ALKBH8: variants seen among roughly 807,000 people sequenced by gnomAD.
ALKBH8 encodes the protein tRNA (carboxymethyluridine(34)-5-O)-methyltransferase ALKBH8.
Under a neutral mutation model 59.8 loss-of-function variants are expected in ALKBH8, and 36 were observed. That is an observed-to-expected ratio of 0.60 (90% CI 0.46 to 0.79). The LOEUF is 0.79. ALKBH8 is among the 30% of genes least tolerant of loss of function. ALKBH8 has a pLI of 0.00. For synonymous variants in ALKBH8, 276 were observed against 273.6 expected (o/e 1.01, Z -0.09); for missense variants, 768 against 801.0 (o/e 0.96, Z 0.50).
In ALKBH8 at chr11:107,504,329, C is replaced by T; in HGVS notation, c.*329G>A. 1.8e-6 allele frequency: 1 copy of T among 543,546 alleles called. No homozygotes were observed. Among genetic ancestry groups the T allele is most frequent in the Non-Finnish European group, 3.2e-6 (1 of 310,812 alleles). 33.7% of individuals were successfully genotyped at this position (543,546 alleles called of 1,614,324 possible). ...CATCCCTAAAATCCTACATGATTTACTACATTTAGTAGCACTTTACTAAAA... is the reference window on the plus strand; with the variant it reads ...CATCCCTAAAATCCTACATGATTTATTACATTTAGTAGCACTTTACTAAAA... On this transcript the variant is annotated 3_prime_UTR_variant, in exon 12 of 12. Transcript: ENST00000428149.
chr11:107,543,323 A>C (rs937079581), intron 7 of ALKBH8, among the ~76,000 whole-genome samples: 1 of 152,152 alleles, frequency 6.6e-6, no homozygotes, highest in Non-Finnish European at 1.5e-5. Context: ...CAACAGAGAG[A>C]GACTTCGTCT....
At chr11:107,540,138 A>G (rs1479428692) in intron 7 of ALKBH8, among the ~76,000 whole-genome samples, 2 of 152,226 alleles carry the variant, frequency 1.3e-5, no homozygotes, top group Admixed American at 1.3e-4. Context: ...CCTAGTTATC[A>G]GGTACCATGC....
chr11:107,504,547 T>C lies in ALKBH8; in HGVS notation c.*111A>G. ...ACTTCCAAATTTTTCTCAGCTTTCCTTTGGTACTTTCCCACAAGTTTTCTC... is the reference window on the plus strand; with the variant it reads ...ACTTCCAAATTTTTCTCAGCTTTCCCTTGGTACTTTCCCACAAGTTTTCTC... On this transcript the variant is annotated 3_prime_UTR_variant, in exon 12 of 12. Coordinates refer to ENST00000428149, the MANE Select transcript of ALKBH8 (RefSeq NM_138775.3). The C allele has an allele frequency of 7.2e-7, 1 of 1,390,790 alleles. No individual in the cohort carries two copies. The highest frequency in any genetic ancestry group is 1.2e-5 in the South Asian group (1 of 80,706). 86.2% of individuals were successfully genotyped at this position (1,390,790 alleles called of 1,614,324 possible).
rs868128684 is a variant in ALKBH8, at chr11:107,559,747, T to C, written c.129+1018A>G. 2.0e-5 allele frequency among the ~76,000 whole-genome samples: 3 copies of C among 152,196 alleles called. No individual in the cohort carries two copies. In the South Asian group the frequency reaches 6.2e-4, roughly 32 times the overall value. On this transcript the variant is annotated intron_variant, in intron 2 of 11. Transcript: ENST00000428149. ...GAAGACATTAATATTTAACTCCAAGTATGGGCCTTTTACCTCCTAAATTCA... is the reference window on the plus strand; with the variant it reads ...GAAGACATTAATATTTAACTCCAAGCATGGGCCTTTTACCTCCTAAATTCA...
At chr11:107,529,295 A>G (rs937573641) in intron 8 of ALKBH8, among the ~76,000 whole-genome samples, 2 of 152,210 alleles carry the variant, frequency 1.3e-5, no homozygotes, top group Admixed American at 6.5e-5. Flanking sequence ...CACAAGGAAA[A>G]TGCTCCAGAA....
At position 107,518,642 on chromosome 11, in the gene ALKBH8, C is replaced by T. The variant is rs564927319; in HGVS notation, c.1287+3657G>A. On this transcript the variant is annotated intron_variant, in intron 10 of 11. Coordinates refer to ENST00000428149, the MANE Select transcript of ALKBH8 (RefSeq NM_138775.3). ...GCAATCTGTGCATTAAGGGCATGCT[C>T]CTGCTGCAGGTAACTACCAGACCCA... Among the ~76,000 whole-genome samples, 3 of 152,386 alleles carry T rather than the reference C, an allele frequency of 2.0e-5. No homozygotes were observed. The East Asian group carries it at 5.8e-4, about 29-fold the overall frequency.
chr11:107,532,627 T>C (rs889697894), intron 7 of ALKBH8, among the ~76,000 whole-genome samples: 1 of 152,046 alleles, frequency 6.6e-6, no homozygotes, highest in African/African-American at 2.4e-5. Context: ...TCAGAATCAG[T>C]AGGTCTGGAG....
intron 6 of ALKBH8, among the ~76,000 whole-genome samples, chr11:107,550,307 T>C (rs1864437174): frequency 6.6e-6 from 1 of 152,166 alleles, no homozygotes; most frequent in East Asian, 1.9e-4. Flanking sequence ...ACGGTGAGGG[T>C]ATACAAAGCC....
At chr11:107,519,332 C>T (rs952661760) in intron 10 of ALKBH8, among the ~76,000 whole-genome samples, 1 of 151,852 alleles carries the variant, frequency 6.6e-6, no homozygotes, top group African/African-American at 2.4e-5. Flanking sequence ...CTCGAACTCT[C>T]AACCTCAGGT....
At chr11:107,536,328 G>A (rs563919964) in intron 7 of ALKBH8, among the ~76,000 whole-genome samples, 9 of 152,254 alleles carry the variant, frequency 5.9e-5, no homozygotes, top group South Asian at 2.1e-4. Flanking sequence ...GTAACACAAG[G>A]AACCCCACCA....
chr11:107,546,094 C>T (rs943017558), intron 7 of ALKBH8, among the ~76,000 whole-genome samples: 2 of 152,108 alleles, frequency 1.3e-5, no homozygotes, highest in African/African-American at 4.8e-5. Context: ...GTAATATAAC[C>T]TAAAAATTGT....
intron 7 of ALKBH8, among the ~76,000 whole-genome samples, chr11:107,537,414 T>C (rs1863864119): frequency 6.6e-6 from 1 of 152,142 alleles, no homozygotes; most frequent in East Asian, 1.9e-4. Context: ...GGGACACAGA[T>C]GGAGTTGGAA....
At chr11:107,552,975 A>G (rs1005931055) in intron 5 of ALKBH8, 133 bp downstream of exon 5, 7 of 574,590 alleles carry the variant, frequency 1.2e-5, no homozygotes, top group Non-Finnish European at 1.7e-5. Context: ...TTATCTAATT[A>G]AAGTGTTTTA....
chr11:107,505,907 CAG>C (rs1348243547), intron 11 of ALKBH8, among the ~76,000 whole-genome samples: 1 of 152,170 alleles, frequency 6.6e-6, no homozygotes, highest in East Asian at 1.9e-4. Context: ...AGCTGAGGGA[CAG>C]AGTCACAGAT....
chr11:107,555,425 A>G (rs73555506), intron 3 of ALKBH8, among the ~76,000 whole-genome samples: 2,032 of 152,336 alleles, frequency 0.013, 39 homozygotes, highest in African/African-American at 0.046. Flanking sequence ...TTCTTACTGA[A>G]TATTCACCAT....
chr11:107,544,273 T>C (rs1324989944), intron 7 of ALKBH8, among the ~76,000 whole-genome samples: 2 of 152,350 alleles, frequency 1.3e-5, no homozygotes, highest in East Asian at 1.9e-4. Context: ...TGTCATGCCA[T>C]GAAACAGACT....
intron 10 of ALKBH8, among the ~76,000 whole-genome samples, chr11:107,515,755 G>C (rs1351356048): frequency 6.6e-6 from 1 of 152,038 alleles, no homozygotes; most frequent in Admixed American, 6.6e-5. Context: ...ATAAGCAAAG[G>C]TGCAAACTGA....
At chr11:107,559,620 C>A (rs112179214) in intron 2 of ALKBH8, among the ~76,000 whole-genome samples, 299 of 152,254 alleles carry the variant, frequency 2.0e-3, no homozygotes, top group African/African-American at 6.8e-3. Context: ...TGTCTCACAG[C>A]CTCAGTGGCT....
chr11:107,556,512 G>A (rs1048784390), intron 3 of ALKBH8, among the ~76,000 whole-genome samples: 1 of 152,172 alleles, frequency 6.6e-6, no homozygotes, highest in African/African-American at 2.4e-5. Context: ...AATAAGCCAT[G>A]TGCCTAATAA....
Sources: allele counts gnomAD v4.1 joint callset (sites outside exome capture counted in the v4.1 genomes callset), GRCh38; gene constraint gnomAD v4.1.1; transcripts MANE v1.5; gene names NCBI Gene and HGNC (gene_info 2026-07-23, HGNC 2026-07-21).